PTK2B: variants seen among roughly 807,000 people sequenced by gnomAD.
PTK2B encodes the protein protein tyrosine kinase 2 beta.
Under a neutral mutation model 142.9 loss-of-function variants are expected in PTK2B, and 71 were observed. The ratio of observed to expected loss-of-function variants is 0.50; its 90% CI spans 0.41 to 0.61. PTK2B has a LOEUF of 0.61. Ranked by LOEUF, PTK2B falls within the 20% of genes least tolerant of loss-of-function variation. The pLI is 0.00. For missense variants in PTK2B, 1,105 were observed against 1,320.4 expected (o/e 0.84, Z 2.53); for synonymous variants, 519 against 503.4 (o/e 1.03, Z -0.42).
Position 27,375,309 on chromosome 8 carries a change from G to A in PTK2B, c.-37-22239G>A, listed in dbSNP as rs553291478. ...ACATGTAGGGAACTCAGAGCCTAAG[G>A]TCTTAGGGCCAGGATGTAGCCTGGG... On this transcript the variant is annotated intron_variant, in intron 1 of 30. Coordinates refer to ENST00000346049, the MANE Select transcript of PTK2B (RefSeq NM_173176.3). Among the ~76,000 whole-genome samples, 4 of 152,292 alleles carry A rather than the reference G, an allele frequency of 2.6e-5. No homozygotes were observed. The South Asian group carries it at 8.3e-4, about 32-fold the overall frequency.
At chr8:27,408,959 G>A (rs913925743) in intron 2 of PTK2B, among the ~76,000 whole-genome samples, 2 of 152,176 alleles carry the variant, frequency 1.3e-5, no homozygotes, top group African/African-American at 2.4e-5. Context: ...AGGGGAACCC[G>A]TCCTTTCCTC....
At position 27,432,254 on chromosome 8, in the gene PTK2B, C is replaced by G; in HGVS notation, c.886-6C>G. 1 of 1,613,756 alleles carries G rather than the reference C, an allele frequency of 6.2e-7. No individual in the cohort carries two copies. The highest frequency in any genetic ancestry group is 1.1e-5 in the South Asian group (1 of 90,974). On this transcript the variant is annotated splice_region_variant and splice_polypyrimidine_tract_variant and intron_variant, in intron 9 of 30. Transcript: ENST00000346049. The stretch of plus-strand genomic sequence containing the variant: ...TGGTCTGAAGCTCCCCCTTCTTTTC[C>G]CACAGCCCACCTGCCTGGCCGAGTT...
At chr8:27,421,544 A>G (rs1809754539) in intron 4 of PTK2B, among the ~76,000 whole-genome samples, 1 of 152,210 alleles carries the variant, frequency 6.6e-6, no homozygotes, top group Non-Finnish European at 1.5e-5. Flanking sequence ...ATGAGTGAGA[A>G]CATACAATGT....
At chr8:27,361,104 A>G (rs1388582310) in intron 1 of PTK2B, among the ~76,000 whole-genome samples, 1 of 152,138 alleles carries the variant, frequency 6.6e-6, no homozygotes, top group African/African-American at 2.4e-5. Context: ...ATAATTTCCT[A>G]TCCCTCACCC....
At chr8:27,431,821 T>C (rs1306985667) in intron 9 of PTK2B, among the ~76,000 whole-genome samples, 2 of 152,214 alleles carry the variant, frequency 1.3e-5, no homozygotes, top group African/African-American at 4.8e-5. Context: ...CTGGCTCCAC[T>C]GCCAGCTTGG....
intron 1 of PTK2B, among the ~76,000 whole-genome samples, chr8:27,392,032 G>A (rs1369080343): frequency 6.6e-6 from 1 of 152,220 alleles, no homozygotes; most frequent in Non-Finnish European, 1.5e-5. Context: ...AGCCAGGAAG[G>A]TCTGGAGAAA....
upstream of PTK2B, among the ~76,000 whole-genome samples, chr8:27,324,367 A>T (rs180884352): frequency 1.8e-3 from 277 of 152,398 alleles, no homozygotes; most frequent in African/African-American, 5.8e-3. Context: ...GGCAGTGCCC[A>T]TCAATGGGTT....
intron 1 of PTK2B, among the ~76,000 whole-genome samples, chr8:27,357,920 T>C (rs906678443): frequency 6.6e-5 from 10 of 152,118 alleles, no homozygotes; most frequent in Non-Finnish European, 1.5e-5. Flanking sequence ...ACTCTATAGC[T>C]CCCCAGTCAT....
chr8:27,339,922 G>T (rs1202908308), intron 1 of PTK2B, among the ~76,000 whole-genome samples: 1 of 152,252 alleles, frequency 6.6e-6, no homozygotes, highest in East Asian at 1.9e-4. Flanking sequence ...GTGACACCTA[G>T]TCCTTTCTTC....
chr8:27,420,771 C>G, intron 4 of PTK2B, 27 bp downstream of exon 4: 1 of 1,573,854 alleles, frequency 6.4e-7, no homozygotes, highest in Non-Finnish European at 8.7e-7. Context: ...CTTCTTGCCC[C>G]GAGGCTCCCA....
At position 27,439,068 on chromosome 8, in the gene PTK2B, G is replaced by C; in HGVS notation, c.1681G>C (p.Glu561Gln). The C allele has an allele frequency of 1.2e-6, 2 of 1,614,174 alleles. No homozygotes were observed. Among genetic ancestry groups the C allele is most frequent in the Non-Finnish European group, 1.7e-6 (2 of 1,180,010 alleles). The change falls in exon 19 of 31, where the codon GAG becomes CAG. Residue 561 changes from glutamate to glutamine, a missense_variant. Coordinates refer to ENST00000346049, the MANE Select transcript of PTK2B (RefSeq NM_173176.3). ...AVRNILVASP[E>Q]CVKLGDFGLS... Reference sequence around the variant, plus strand: ...CCGGAACATCCTGGTGGCCTCCCCTGAGTGTGTGAAGCTGGGGGACTTTGG... The same window carrying C: ...CCGGAACATCCTGGTGGCCTCCCCTCAGTGTGTGAAGCTGGGGGACTTTGG...
intron 22 of PTK2B, among the ~76,000 whole-genome samples, chr8:27,443,934 G>A (rs28696922): frequency 0.15 from 23,468 of 152,172 alleles, 1,920 homozygotes; most frequent in African/African-American, 0.21. Context: ...GTGCTCCCAC[G>A]TATAGGGAAG....
At chr8:27,414,421 AT>A (rs1809257644) in intron 2 of PTK2B, among the ~76,000 whole-genome samples, 2 of 151,688 alleles carry the variant, frequency 1.3e-5, no homozygotes, top group Non-Finnish European at 2.9e-5. Context: ...ATTTTTTTGT[AT>A]TTTTTAGTAG....
At chr8:27,350,975 CAAAA>C (rs1161040902) in intron 1 of PTK2B, among the ~76,000 whole-genome samples, 1 of 2,348 alleles carries the variant, frequency 4.3e-4, no homozygotes, top group Non-Finnish European at 7.6e-4. Context: ...GTCTCCGTCT[CAAAA>C]AAAAAAAAAA....
chr8:27,374,376 G>A (rs534292247), intron 1 of PTK2B, among the ~76,000 whole-genome samples: 32 of 152,346 alleles, frequency 2.1e-4, no homozygotes, highest in African/African-American at 7.0e-4. Flanking sequence ...GAAGAAGTTC[G>A]CATTCACAGA....
In PTK2B at chr8:27,453,952, T is replaced by G. The variant is rs922343136; in HGVS notation, c.2596-202T>G. On this transcript the variant is annotated intron_variant, in intron 28 of 30. Transcript: ENST00000346049. ...TCTGTTGTGAGGCTACCACTAGTAT[T>G]CCGTTAAGGCTCCCTGGCTGGAAAC... The G allele has an allele frequency of 8.0e-6, 5 of 624,510 alleles. No individual in the cohort carries two copies. In the African/African-American group the frequency reaches 9.2e-5, roughly 12 times the overall value. The allele number at this position is 624,510 out of a possible 1,614,324, so 38.7% of individuals were successfully genotyped here.
intron 24 of PTK2B, among the ~76,000 whole-genome samples, chr8:27,446,182 T>A (rs976765005): frequency 2.2e-4 from 33 of 152,180 alleles, no homozygotes; most frequent in African/African-American, 7.7e-4. Context: ...TGGCTAGAGA[T>A]GTACAAATCT....
At chr8:27,400,181 C>T (rs1481176944) in intron 2 of PTK2B, among the ~76,000 whole-genome samples, 1 of 152,052 alleles carries the variant, frequency 6.6e-6, no homozygotes, top group African/African-American at 2.4e-5. Context: ...AGTGTGCCCT[C>T]GGGAAGGGAA....
intron 1 of PTK2B, among the ~76,000 whole-genome samples, chr8:27,391,243 C>T (rs1428235603): frequency 3.9e-5 from 6 of 151,980 alleles, no homozygotes; most frequent in Non-Finnish European, 8.8e-5. Context: ...ATTACAGGCA[C>T]GTGCCACCAC....
Sources: allele counts gnomAD v4.1 joint callset (sites outside exome capture counted in the v4.1 genomes callset), GRCh38; gene constraint gnomAD v4.1.1; transcripts MANE v1.5; gene names NCBI Gene and HGNC (gene_info 2026-07-23, HGNC 2026-07-21).